The following HLCS variants were observed in gnomAD, a reference collection of about 807,000 sequenced individuals.
The protein encoded by HLCS is holocarboxylase synthetase, also known as biotin--protein ligase.
Under a neutral mutation model 75.0 loss-of-function variants are expected in HLCS, and 53 were observed. That is an observed-to-expected ratio of 0.71 (90% CI 0.57 to 0.89). The LOEUF (loss-of-function observed/expected upper bound fraction) is 0.89. Ranked by LOEUF, HLCS falls within the 40% of genes least tolerant of loss-of-function variation. HLCS has a pLI of 0.00. For missense variants in HLCS, 966 were observed against 1,074.0 expected (o/e 0.90, Z 1.41); for synonymous variants, 431 against 428.6 (o/e 1.01, Z -0.07).
intron 6 of HLCS, among the ~76,000 whole-genome samples, chr21:36,833,974 T>C (rs2062311401): frequency 6.6e-6 from 1 of 152,310 alleles, no homozygotes; most frequent in East Asian, 1.9e-4. Flanking sequence ...TGGAACTGCA[T>C]GGGTCCACTT....
intron 5 of HLCS, among the ~76,000 whole-genome samples, chr21:36,927,840 A>G (rs2066472277): frequency 6.6e-6 from 1 of 152,232 alleles, no homozygotes; most frequent in Non-Finnish European, 1.5e-5. Context: ...TCCCAGCAAC[A>G]GAGTGTCTTG....
At chr21:36,868,223 G>GGGAAAAA (rs1569122302) in intron 6 of HLCS, among the ~76,000 whole-genome samples, 4 of 91,612 alleles carry the variant, frequency 4.4e-5, no homozygotes, top group South Asian at 6.6e-4. Flanking sequence ...GGAAAAAAGA[G>GGGAAAAA]AGAGAAAGAG....
intron 6 of HLCS, among the ~76,000 whole-genome samples, chr21:36,884,395 G>A (rs1351228216): frequency 6.6e-6 from 1 of 152,224 alleles, no homozygotes; most frequent in Non-Finnish European, 1.5e-5. Context: ...TCCAGAGCCT[G>A]CCCTGCTTTC....
At chr21:36,968,197 C>A (rs945772057), upstream of HLCS, among the ~76,000 whole-genome samples, 1 of 152,084 alleles carries the variant, frequency 6.6e-6, no homozygotes. Context: ...CTGTGTCGCC[C>A]AGGCTGGTCT....
At chr21:36,763,362 C>T (rs891623400) in intron 8 of HLCS, among the ~76,000 whole-genome samples, 1 of 152,206 alleles carries the variant, frequency 6.6e-6, no homozygotes, top group South Asian at 2.1e-4. Flanking sequence ...AGCTCAGGTG[C>T]TCAAGGCCGG....
chr21:36,952,213 AC>A lies in HLCS; in HGVS notation c.330+9822del, dbSNP rs529231843. Among the ~76,000 whole-genome samples, 273 of 152,128 alleles carry A rather than the reference AC, an allele frequency of 1.8e-3. 2 individuals carry two copies. Among genetic ancestry groups the A allele is most frequent in the Non-Finnish European group, 2.9e-3 (197 of 67,976 alleles). ...AACATACACACACAGATTCATAAGA[AC>A]CCCCCAAAATGCAAAATCCCATCAA... On this transcript the variant is annotated intron_variant, in intron 2 of 10. Coordinates refer to ENST00000674895, the MANE Select transcript of HLCS (RefSeq NM_001352514.2).
intron 2 of HLCS, chr21:36,947,369 G>C: frequency 1.0e-6 from 1 of 985,428 alleles, no homozygotes; most frequent in Non-Finnish European, 1.2e-6. Flanking sequence ...CGTGGTCCAT[G>C]AGCCATGGAC....
chr21:36,886,275 CA>C (rs1396911920), intron 6 of HLCS, among the ~76,000 whole-genome samples: 8 of 151,012 alleles, frequency 5.3e-5, no homozygotes, highest in Non-Finnish European at 1.2e-4. Context: ...ACTAAAAATA[CA>C]AAAAAAATTA....
intron 6 of HLCS, among the ~76,000 whole-genome samples, chr21:36,873,358 C>T (rs1215545070): frequency 1.3e-5 from 2 of 152,116 alleles, no homozygotes; most frequent in African/African-American, 2.4e-5. Flanking sequence ...CCTTGTGATC[C>T]GCCTGCCTCA....
chr21:36,756,367 C>T (rs963823957), intron 10 of HLCS, among the ~76,000 whole-genome samples, 175 bp downstream of exon 10: 9 of 138,226 alleles, frequency 6.5e-5, no homozygotes, highest in South Asian at 2.4e-4. Context: ...AGGAGAATGG[C>T]GTGAACCCGG....
At chr21:36,830,266 G>A (rs889814928) in intron 6 of HLCS, among the ~76,000 whole-genome samples, 1 of 152,176 alleles carries the variant, frequency 6.6e-6, no homozygotes, top group African/African-American at 2.4e-5. Context: ...AGAAATGAAT[G>A]TCTGTTGTTG....
chr21:36,770,899 A>G (rs1291508058), intron 6 of HLCS, among the ~76,000 whole-genome samples: 1 of 152,204 alleles, frequency 6.6e-6, no homozygotes, highest in East Asian at 1.9e-4. Context: ...TTCTAAGTAT[A>G]AGACCAAAAG....
chr21:36,892,780 G>A (rs2064846574), intron 6 of HLCS, among the ~76,000 whole-genome samples: 1 of 152,154 alleles, frequency 6.6e-6, no homozygotes, highest in African/African-American at 2.4e-5. Context: ...AAGAGATTTT[G>A]TAAATCATAT....
chr21:36,931,552 C>G lies in HLCS; in HGVS notation c.1438-1119G>C, dbSNP rs528431281. Among the ~76,000 whole-genome samples the G allele has an allele frequency of 2.6e-5, 4 of 152,066 alleles. No homozygotes were observed. In the South Asian group the frequency reaches 8.3e-4, roughly 32 times the overall value. ...ATTGCTTGAGCCTAGGAGTTTCAGA[C>G]CAGCCTGGACAACATAGTGAAACCC... On this transcript the variant is annotated intron_variant, in intron 4 of 10. Transcript: ENST00000674895.
chr21:36,793,209 C>T (rs938975680), intron 6 of HLCS, among the ~76,000 whole-genome samples: 3 of 152,130 alleles, frequency 2.0e-5, no homozygotes, highest in Admixed American at 6.6e-5. Context: ...TTCTCTACGA[C>T]CCCCGCTGCT....
intron 6 of HLCS, among the ~76,000 whole-genome samples, chr21:36,827,190 G>A (rs2062034282): frequency 1.3e-5 from 2 of 152,082 alleles, no homozygotes; most frequent in Non-Finnish European, 1.5e-5. Context: ...GAGTAAAAAA[G>A]GATGAGGAGT....
intron 6 of HLCS, among the ~76,000 whole-genome samples, chr21:36,876,455 G>T (rs915570011): frequency 3.3e-5 from 5 of 152,108 alleles, no homozygotes; most frequent in African/African-American, 1.2e-4. Context: ...TCTCTACGTA[G>T]GTCTTATGCA....
At chr21:36,811,219 A>G (rs912371372) in intron 6 of HLCS, among the ~76,000 whole-genome samples, 1 of 152,204 alleles carries the variant, frequency 6.6e-6, no homozygotes, top group Non-Finnish European at 1.5e-5. Context: ...TCTATTCCTC[A>G]TTCACTGGAT....
chr21:36,904,341 C>A (rs2065361297), intron 5 of HLCS, among the ~76,000 whole-genome samples: 1 of 152,140 alleles, frequency 6.6e-6, no homozygotes, highest in African/African-American at 2.4e-5. Context: ...AAGTAACAAT[C>A]TAAATTATTT....
Sources: gnomAD v4.1 joint callset for allele counts (sites outside exome capture counted in the v4.1 genomes callset) on GRCh38, gnomAD v4.1.1 for gene constraint, MANE v1.5 for transcripts, NCBI Gene and HGNC (gene_info 2026-07-23, HGNC 2026-07-21) for gene names.